Variants in SH3PXD2A observed in about 807,000 individuals in gnomAD.
SH3PXD2A encodes SH3 and PX domains 2A, also known as SH3 and PX domain-containing protein 2A.
Under a neutral mutation model 115.2 loss-of-function variants are expected in SH3PXD2A, and 32 were observed. The observed-to-expected ratio is 0.28, with a 90% CI of 0.21 to 0.37. SH3PXD2A has a LOEUF of 0.37. Among genes scored for constraint, SH3PXD2A ranks in the 10% least tolerant of loss-of-function variants. SH3PXD2A has a pLI of 1.00. For missense variants in SH3PXD2A, 1,328 were observed against 1,498.7 expected (o/e 0.89, Z 1.88); for synonymous variants, 610 against 629.1 (o/e 0.97, Z 0.45).
intron 1 of SH3PXD2A, among the ~76,000 whole-genome samples, chr10:103,851,572 T>A (rs1842897253): frequency 2.0e-5 from 3 of 152,350 alleles, no homozygotes; most frequent in South Asian, 4.1e-4. Flanking sequence ...GCCCTAGCTC[T>A]GCCCTGTGCC....
At chr10:103,668,751 C>G (rs1357772565) in intron 6 of SH3PXD2A, 99 bp from the exon 7 acceptor site, 2 of 1,093,986 alleles carry the variant, frequency 1.8e-6, no homozygotes, top group South Asian at 1.3e-5. Context: ...CTGCAGGCGC[C>G]GCGCTCGGCC....
intron 3 of SH3PXD2A, among the ~76,000 whole-genome samples, chr10:103,743,224 C>A (rs1174712631): frequency 6.6e-6 from 1 of 152,076 alleles, no homozygotes; most frequent in East Asian, 1.9e-4. Context: ...GAGAATATAA[C>A]CATGATTCCA....
chr10:103,612,830 C>A, intron 12 of SH3PXD2A, 23 bp downstream of exon 12: 1 of 1,508,118 alleles, frequency 6.6e-7, no homozygotes, highest in East Asian at 2.3e-5. Flanking sequence ...CAGTGAGGAC[C>A]TAGAGGTCAG....
intron 6 of SH3PXD2A, among the ~76,000 whole-genome samples, chr10:103,675,910 A>C (rs2037525853): frequency 6.6e-6 from 1 of 152,176 alleles, no homozygotes; most frequent in Non-Finnish European, 1.5e-5. Context: ...ATAGTGGTGC[A>C]TGCCTGTAAT....
intron 8 of SH3PXD2A, among the ~76,000 whole-genome samples, chr10:103,644,935 G>A (rs2037013776): frequency 6.6e-6 from 1 of 152,168 alleles, no homozygotes; most frequent in Admixed American, 6.5e-5. Context: ...CCTGGGAGAA[G>A]TACCCCGTCT....
chr10:103,736,772 AGT>A (rs2038385333), intron 3 of SH3PXD2A: 1 of 1,289,212 alleles, frequency 7.8e-7, no homozygotes, highest in South Asian at 1.2e-5. Context: ...CACATGATGA[AGT>A]GCTCACCTGT....
At chr10:103,835,128 G>C (rs978889967) in intron 1 of SH3PXD2A, among the ~76,000 whole-genome samples, 3 of 152,214 alleles carry the variant, frequency 2.0e-5, no homozygotes, top group Non-Finnish European at 4.4e-5. Context: ...TCAAGCAGTT[G>C]TTTGGAGTCA....
chr10:103,746,523 T>C lies in SH3PXD2A; in HGVS notation c.230-10715A>G, dbSNP rs539863390. ...TTTTTGTAGAAACTGGGTTTCACCA[T>C]GTAGCCCAGGCTGGTTTTAAACTCC... On this transcript the variant is annotated intron_variant, in intron 3 of 14. Coordinates refer to ENST00000369774, the MANE Select transcript of SH3PXD2A (RefSeq NM_001394015.1). The surrounding 1 kb of genome is among the most constrained non-coding windows in gnomAD (Gnocchi z 4.4). 7.9e-5 allele frequency among the ~76,000 whole-genome samples: 12 copies of C among 152,276 alleles called. No individual in the cohort carries two copies. The highest frequency in any genetic ancestry group is 2.4e-4 in the African/African-American group (10 of 41,554).
intron 6 of SH3PXD2A, among the ~76,000 whole-genome samples, chr10:103,680,545 G>A (rs1255327966): frequency 6.6e-6 from 1 of 152,174 alleles, no homozygotes; most frequent in Admixed American, 6.5e-5. Flanking sequence ...CCAAAGTGCT[G>A]GGATTACAGG....
chr10:103,663,943 T>C (rs1445604346), intron 7 of SH3PXD2A, among the ~76,000 whole-genome samples: 1 of 152,250 alleles, frequency 6.6e-6, no homozygotes, highest in Non-Finnish European at 1.5e-5. Flanking sequence ...CGGGATTGTA[T>C]TTCAGGCAGA....
rs796742104 is a variant in SH3PXD2A at position 103,840,582 on chromosome 10, C to T, written c.72+14613G>A. Among the ~76,000 whole-genome samples, 3 of 152,194 alleles carry T rather than the reference C, an allele frequency of 2.0e-5. No individual in the cohort carries two copies. The South Asian group carries it at 6.2e-4, about 32-fold the overall frequency. On this transcript the variant is annotated intron_variant, in intron 1 of 14. Transcript: ENST00000369774. ...CCTGGGCTGCAGCAAGGCTGGCTGGCGGGATTCCCGGAAGGCCAGGAAACA... is the reference window on the plus strand; with the variant it reads ...CCTGGGCTGCAGCAAGGCTGGCTGGTGGGATTCCCGGAAGGCCAGGAAACA...
chr10:103,830,901 T>A (rs527489199), intron 1 of SH3PXD2A, among the ~76,000 whole-genome samples: 39 of 138,340 alleles, frequency 2.8e-4, no homozygotes, highest in African/African-American at 1.1e-3. Flanking sequence ...TAAAAATAAG[T>A]CAGGATGAGG....
At chr10:103,681,982 C>T (rs1379124249) in intron 6 of SH3PXD2A, among the ~76,000 whole-genome samples, 2 of 152,200 alleles carry the variant, frequency 1.3e-5, no homozygotes, top group East Asian at 3.8e-4. Context: ...TCTGGGCAGG[C>T]CCTGGGAATC....
intron 1 of SH3PXD2A, among the ~76,000 whole-genome samples, chr10:103,817,669 A>G (rs1260208172): frequency 6.6e-6 from 1 of 152,156 alleles, no homozygotes; most frequent in Admixed American, 6.5e-5. Flanking sequence ...TTTAGCTTCC[A>G]CTTACAAGTG....
chr10:103,729,350 A>T (rs946134066), intron 4 of SH3PXD2A, among the ~76,000 whole-genome samples: 44 of 152,236 alleles, frequency 2.9e-4, no homozygotes, highest in African/African-American at 9.4e-4. Context: ...GCTGAGGCAA[A>T]TCCAGGTTCA....
At chr10:103,793,486 T>C (rs1564890331) in intron 2 of SH3PXD2A, among the ~76,000 whole-genome samples, 1 of 152,252 alleles carries the variant, frequency 6.6e-6, no homozygotes, top group African/African-American at 2.4e-5. Context: ...ACTTAGCAAC[T>C]CTGTATGGAT....
At chr10:103,841,506 C>A (rs2134317783) in intron 1 of SH3PXD2A, among the ~76,000 whole-genome samples, 1 of 152,278 alleles carries the variant, frequency 6.6e-6, no homozygotes, top group East Asian at 1.9e-4. Flanking sequence ...GTCCTTGAAG[C>A]CACCTCTCTG....
chr10:103,610,376 C>T (rs1323633383), intron 13 of SH3PXD2A, among the ~76,000 whole-genome samples: 1 of 152,218 alleles, frequency 6.6e-6, no homozygotes, highest in African/African-American at 2.4e-5. Context: ...CCATTCTTGC[C>T]AAAATCAAGT....
intron 1 of SH3PXD2A, among the ~76,000 whole-genome samples, chr10:103,851,666 A>C (rs972557700): frequency 6.6e-6 from 1 of 152,124 alleles, no homozygotes; most frequent in African/African-American, 2.4e-5. Flanking sequence ...AACCTACCCC[A>C]CATTAGGGTA....
Sources: allele counts gnomAD v4.1 joint callset (sites outside exome capture counted in the v4.1 genomes callset), GRCh38; gene constraint gnomAD v4.1.1; non-coding constraint Gnocchi (gnomAD v3.1); transcripts MANE v1.5; gene names NCBI Gene and HGNC (gene_info 2026-07-23, HGNC 2026-07-21).